Variants in RUFY2 observed in about 807,000 individuals in gnomAD.
RUFY2 encodes RUN and FYVE domain containing 2, also known as RUN and FYVE domain-containing protein 2.
A neutral mutation model predicts 94.4 loss-of-function variants in RUFY2; 49 were observed. The observed-to-expected ratio is 0.52, with a 90% CI of 0.41 to 0.66. RUFY2 has a LOEUF of 0.66. Among genes scored for constraint, RUFY2 ranks in the 30% least tolerant of loss-of-function variants. The pLI is 0.00. For synonymous variants in RUFY2, 255 were observed against 235.7 expected (o/e 1.08, Z -0.75); for missense variants, 541 against 692.8 (o/e 0.78, Z 2.46).
At chr10:68,391,316 G>GT (rs879896450) in intron 7 of RUFY2, among the ~76,000 whole-genome samples, 10 of 151,502 alleles carry the variant, frequency 6.6e-5, no homozygotes, top group South Asian at 2.1e-4. Flanking sequence ...AATTTTTGGG[G>GT]TTTTTTTTAC....
chr10:68,345,962 AT>A, intron 17 of RUFY2, 44 bp downstream of exon 17: 1 of 1,612,052 alleles, frequency 6.2e-7, no homozygotes, highest in South Asian at 1.1e-5. Context: ...TAAAATTAGC[AT>A]TTTTGCACTC....
intron 17 of RUFY2, 26 bp downstream of exon 17, chr10:68,345,981 T>C: frequency 6.2e-7 from 1 of 1,612,256 alleles, no homozygotes; most frequent in Non-Finnish European, 8.5e-7. Flanking sequence ...CTCCAAATTT[T>C]TGGACTCACT....
chr10:68,344,526 G>C lies in RUFY2; in HGVS notation c.*1242C>G, dbSNP rs1246195317. Reference sequence around the variant, plus strand: ...TATAACTTGGATTAGTGTTCATTGAGTCAGCTTGAAATAGGTCAAGTGTAC... The same window carrying C: ...TATAACTTGGATTAGTGTTCATTGACTCAGCTTGAAATAGGTCAAGTGTAC... On this transcript the variant is annotated 3_prime_UTR_variant, in exon 18 of 18. Transcript: ENST00000602465. 1 of 152,128 alleles carries C rather than the reference G, an allele frequency of 6.6e-6. No homozygotes were observed. Among genetic ancestry groups the C allele is most frequent in the Non-Finnish European group, 1.5e-5 (1 of 68,032 alleles). 9.4% of individuals were successfully genotyped at this position (152,128 alleles called of 1,614,324 possible). A position where few individuals can be genotyped will look rare whatever the true frequency, so the allele number is the denominator to read the frequency against.
At chr10:68,385,432 G>C (rs945523938) in intron 8 of RUFY2, among the ~76,000 whole-genome samples, 1 of 152,050 alleles carries the variant, frequency 6.6e-6, no homozygotes, top group Admixed American at 6.6e-5. Flanking sequence ...AGAGAGCTGA[G>C]ATAAATTTGC....
intron 13 of RUFY2, among the ~76,000 whole-genome samples, chr10:68,370,011 C>T (rs958044738): frequency 2.0e-5 from 3 of 150,146 alleles, no homozygotes; most frequent in Non-Finnish European, 3.0e-5. Context: ...AGGCCGGGCA[C>T]GGGGGCTCGT....
intron 4 of RUFY2, among the ~76,000 whole-genome samples, chr10:68,394,907 G>A (rs1280992657): frequency 6.6e-6 from 1 of 151,886 alleles, no homozygotes; most frequent in Non-Finnish European, 1.5e-5. Flanking sequence ...GGGATTACAG[G>A]CGTGAGCCAC....
Position 68,378,635 on chromosome 10 carries a change from G to A in RUFY2, c.1205+789C>T, listed in dbSNP as rs1407899175. 3.7e-6 allele frequency: 6 copies of A among 1,612,748 alleles called. No homozygotes were observed. In the Admixed American group the frequency reaches 6.7e-5, roughly 18 times the overall value. On this transcript the variant is annotated intron_variant, in intron 12 of 17. Coordinates refer to ENST00000602465, the MANE Select transcript of RUFY2 (RefSeq NM_001330103.2). ...GCTGGCACATTTCACCAATGACATTGCAATTGTCCTAGTTTGAGTTAACAA... is the reference window on the plus strand; with the variant it reads ...GCTGGCACATTTCACCAATGACATTACAATTGTCCTAGTTTGAGTTAACAA...
chr10:68,385,081 G>C (rs1163557768), intron 8 of RUFY2, among the ~76,000 whole-genome samples: 1 of 152,130 alleles, frequency 6.6e-6, no homozygotes, highest in African/African-American at 2.4e-5. Flanking sequence ...GACCAACACG[G>C]TGAAACCCCG....
At chr10:68,403,773 G>A (rs1342403769) in intron 2 of RUFY2, among the ~76,000 whole-genome samples, 1 of 150,386 alleles carries the variant, frequency 6.6e-6, no homozygotes, top group Non-Finnish European at 1.5e-5. Flanking sequence ...TTAAAACAAA[G>A]TTTAGGTAAA....
intron 7 of RUFY2, among the ~76,000 whole-genome samples, chr10:68,390,653 G>A (rs1324611411): frequency 6.6e-6 from 1 of 152,008 alleles, no homozygotes; most frequent in Non-Finnish European, 1.5e-5. Flanking sequence ...AAGAGATGGG[G>A]GTCTCATTAT....
intron 13 of RUFY2, among the ~76,000 whole-genome samples, chr10:68,375,090 T>C (rs1487489091): frequency 6.6e-6 from 1 of 151,976 alleles, no homozygotes; most frequent in Non-Finnish European, 1.5e-5. Flanking sequence ...TCATATAAAG[T>C]TCTAATAAAA....
chr10:68,405,393 T>C, intron 1 of RUFY2: 5 of 825,250 alleles, frequency 6.1e-6, no homozygotes, highest in Non-Finnish European at 7.3e-6. Context: ...TAATGAATTA[T>C]TCTCAAGATC....
chr10:68,401,402 G>A (rs942828808), intron 3 of RUFY2, among the ~76,000 whole-genome samples: 1 of 152,188 alleles, frequency 6.6e-6, no homozygotes, highest in Non-Finnish European at 1.5e-5. Flanking sequence ...AGGCAGAATG[G>A]TGAGTGGTTA....
chr10:68,394,093 T>C lies in RUFY2; in HGVS notation c.566A>G (p.Asp189Gly), dbSNP rs966603173. 1.3e-6 allele frequency: 2 copies of C among 1,504,290 alleles called. No individual in the cohort carries two copies. Among genetic ancestry groups the C allele is most frequent in the Non-Finnish European group, 1.8e-6 (2 of 1,120,794 alleles). The allele number at this position is 1,504,290 out of a possible 1,614,324, so 93.2% of individuals were successfully genotyped here. Residue 189 changes from aspartate to glycine, a missense_variant, in exon 6 of 18, where the codon GAT becomes GGT. Asp to Gly is a moderately conservative substitution (Grantham distance 94). This residue lies in a region of RUFY2 where 403 missense variants were observed against 480.7 expected (regional missense o/e 0.84). Transcript: ENST00000602465. ...DFSMYLKNEE[D>G]IGNKERNVQI... Reference sequence around the variant, plus strand: ...ATCATACCTTTCTTTATTTCCAATATCTTCTTCATTCTTTAAATACATAGA... The same window carrying C: ...ATCATACCTTTCTTTATTTCCAATACCTTCTTCATTCTTTAAATACATAGA...
chr10:68,396,964 G>A, intron 3 of RUFY2, 83 bp from the exon 4 acceptor site: 1 of 827,118 alleles, frequency 1.2e-6, no homozygotes, highest in African/African-American at 1.7e-5. Flanking sequence ...CATTAACAAG[G>A]AAAAAGGGCA....
intron 2 of RUFY2, among the ~76,000 whole-genome samples, chr10:68,402,897 G>C (rs1360514186): frequency 7.3e-6 from 1 of 136,994 alleles, no homozygotes; most frequent in Non-Finnish European, 1.5e-5. Context: ...CCAGACTGGA[G>C]TGCAGTGGCA....
chr10:68,394,156 TTTTAA>T lies in RUFY2; in HGVS notation c.523-25_523-21del. 6.7e-7 allele frequency: 1 copy of T among 1,487,402 alleles called. No individual in the cohort carries two copies. Among genetic ancestry groups the T allele is most frequent in the East Asian group, 2.3e-5 (1 of 42,784 alleles). 92.1% of individuals were successfully genotyped at this position (1,487,402 alleles called of 1,614,324 possible). ...TCCAACCTGAAGTAAATAAAGTTTT[TTTTAA>T]TTTAAAGGGGAGAAAATACTTTATC... On this transcript the variant is annotated intron_variant, in intron 5 of 17. Coordinates refer to ENST00000602465, the MANE Select transcript of RUFY2 (RefSeq NM_001330103.2).
At chr10:68,391,989 C>G (rs945402327) in intron 7 of RUFY2, among the ~76,000 whole-genome samples, 1 of 151,140 alleles carries the variant, frequency 6.6e-6, no homozygotes, top group Non-Finnish European at 1.5e-5. Context: ...AACAAACAAA[C>G]AAACAAAAAA....
Position 68,364,025 on chromosome 10 carries a change from G to A in RUFY2, c.1414C>T (p.His472Tyr). The change falls in exon 14 of 18, where the codon CAT becomes TAT. Residue 472 changes from histidine (H) to tyrosine (Y), a missense_variant. His to Tyr is a moderately conservative substitution (Grantham distance 83). Coordinates refer to ENST00000602465, the MANE Select transcript of RUFY2 (RefSeq NM_001330103.2). ...ATTTGTTGAGTCTCATTTCTAAGAT[G>A]AGATAAGGCATCTTTCTCCTTTTGA... The part of the protein sequence containing the change: ...DLQKEKDALS[H>Y]LRNETQQIIS... 1 of 1,608,496 alleles carries A rather than the reference G, an allele frequency of 6.2e-7. No individual in the cohort carries two copies. Among genetic ancestry groups the A allele is most frequent in the South Asian group, 1.1e-5 (1 of 90,702 alleles).
Sources: gnomAD v4.1 joint callset for allele counts (sites outside exome capture counted in the v4.1 genomes callset) on GRCh38, gnomAD v4.1.1 for gene constraint, gnomAD v4.1.1 regional missense constraint, MANE v1.5 for transcripts, NCBI Gene and HGNC (gene_info 2026-07-23, HGNC 2026-07-21) for gene names.